RNFT2: variants seen among roughly 807,000 people sequenced by gnomAD.
RNFT2 encodes the protein E3 ubiquitin-protein ligase RNFT2.
Under a neutral mutation model 53.0 loss-of-function variants are expected in RNFT2, and 36 were observed. The observed-to-expected ratio is 0.68, with a 90% CI of 0.52 to 0.90. RNFT2 has a LOEUF of 0.90. Among genes scored for constraint, RNFT2 ranks in the 40% least tolerant of loss-of-function variants. The pLI, the probability that RNFT2 is intolerant of heterozygous loss-of-function variation, is 0.00. For missense variants in RNFT2, 514 were observed against 585.6 expected (o/e 0.88, Z 1.26); for synonymous variants, 260 against 253.2 (o/e 1.03, Z -0.26).
chr12:116,759,982 G>T (rs1219528141), intron 5 of RNFT2, among the ~76,000 whole-genome samples: 3 of 152,110 alleles, frequency 2.0e-5, no homozygotes, highest in Admixed American at 6.5e-5. Context: ...TCGGGTTGGG[G>T]TGAGGCTAGG....
intron 10 of RNFT2, among the ~76,000 whole-genome samples, chr12:116,845,910 G>A (rs73407209): frequency 0.022 from 3,323 of 152,194 alleles, 105 homozygotes; most frequent in African/African-American, 0.07. Context: ...AGCCTGGAAT[G>A]TTCTATCTCT....
At chr12:116,771,490 A>ATATATATATAT (rs1308384275) in intron 6 of RNFT2, among the ~76,000 whole-genome samples, 1 of 107,596 alleles carries the variant, frequency 9.3e-6, no homozygotes, top group African/African-American at 3.5e-5. Flanking sequence ...AAAAAAAAAA[A>ATATATATATAT]AAAAATACGT....
chr12:116,749,730 G>T, intron 3 of RNFT2, 111 bp from the exon 4 acceptor site: 3 of 950,874 alleles, frequency 3.2e-6, no homozygotes, highest in Non-Finnish European at 4.7e-6. Flanking sequence ...ATTTGAGGGG[G>T]ACACAGCTCA....
Position 116,826,419 on chromosome 12 carries a change from G to A in RNFT2, c.883-7373G>A, listed in dbSNP as rs140998819. Among the ~76,000 whole-genome samples, 247 of 152,276 alleles carry A rather than the reference G, an allele frequency of 1.6e-3. 1 individual carries two copies. The highest frequency in any genetic ancestry group is 5.2e-3 in the African/African-American group (215 of 41,556). On this transcript the variant is annotated intron_variant, in intron 7 of 10. Transcript: ENST00000257575. ...AGGCGAGACAGCTCATAATCTGATC[G>A]TATTCCTTGTTCTCTGAAGCCCCAG... is the stretch of plus-strand genomic sequence containing the variant.
chr12:116,848,744 C>T (rs1877744069), intron 10 of RNFT2, among the ~76,000 whole-genome samples: 1 of 152,156 alleles, frequency 6.6e-6, no homozygotes, highest in South Asian at 2.1e-4. Context: ...TCAGTATCTC[C>T]GTAAAGTTGT....
In RNFT2 at chr12:116,828,166, G is replaced by A. The variant is rs1592982860; in HGVS notation, c.883-5626G>A. 2.0e-5 allele frequency among the ~76,000 whole-genome samples: 3 copies of A among 152,096 alleles called. No individual in the cohort carries two copies. In the East Asian group the frequency reaches 5.8e-4, roughly 29 times the overall value. On this transcript the variant is annotated intron_variant, in intron 7 of 10. Coordinates refer to ENST00000257575, the MANE Select transcript of RNFT2 (RefSeq NM_001382266.1). ...TCTTTTCCTTCACCTCTTGGCTCTG[G>A]AACACCCTTCCTCCCTTACCTGCCC...
intron 10 of RNFT2, among the ~76,000 whole-genome samples, chr12:116,840,507 A>G (rs1877195895): frequency 6.6e-6 from 1 of 152,214 alleles, no homozygotes; most frequent in Admixed American, 6.5e-5. Context: ...AATTCCTGGG[A>G]ATAGTCTCTG....
intron 5 of RNFT2, among the ~76,000 whole-genome samples, chr12:116,758,803 G>A (rs528027400): frequency 4.1e-4 from 62 of 152,250 alleles, no homozygotes; most frequent in African/African-American, 1.3e-3. Context: ...TGTTTCCTTC[G>A]TTTTAACTTT....
chr12:116,817,468 G>A (rs1166050175), intron 7 of RNFT2, among the ~76,000 whole-genome samples: 2 of 152,116 alleles, frequency 1.3e-5, no homozygotes, highest in Non-Finnish European at 2.9e-5. Flanking sequence ...TAGTTTTTAC[G>A]TCTTCTTCCT....
chr12:116,739,906 C>G (rs1871520342), intron 1 of RNFT2, among the ~76,000 whole-genome samples: 1 of 152,128 alleles, frequency 6.6e-6, no homozygotes, highest in Admixed American at 6.5e-5. Context: ...AATACAATAC[C>G]TTAAGAGTTT....
At position 116,775,278 on chromosome 12, in the gene RNFT2, A is replaced by AAG. The variant is rs904921042; in HGVS notation, c.729-3907_729-3906dup. Among the ~76,000 whole-genome samples, 39 of 144,836 alleles carry AAG rather than the reference A, an allele frequency of 2.7e-4. 1 individual carries two copies. The East Asian group carries it at 5.0e-3, about 18-fold the overall frequency. On this transcript the variant is annotated intron_variant, in intron 6 of 10. Coordinates refer to ENST00000257575, the MANE Select transcript of RNFT2 (RefSeq NM_001382266.1). Reference sequence around the variant, plus strand: ...TCCCGTCTCAAAAAAAAAAAAAAAAAAGAGAGAGAGAAGAGCAACATAGCT... The same window carrying AAG: ...TCCCGTCTCAAAAAAAAAAAAAAAAAAGAGAGAGAGAGAAGAGCAACATAGCT...
At chr12:116,794,852 TG>T (rs1226507642) in intron 7 of RNFT2, among the ~76,000 whole-genome samples, 4 of 152,168 alleles carry the variant, frequency 2.6e-5, no homozygotes, top group Non-Finnish European at 5.9e-5. Context: ...CCAATTTCAC[TG>T]ATGTTATTCA....
chr12:116,821,960 G>C (rs1013877748), intron 7 of RNFT2, among the ~76,000 whole-genome samples: 1 of 151,762 alleles, frequency 6.6e-6, no homozygotes, highest in African/African-American at 2.4e-5. Context: ...TCAGCCTCCA[G>C]AGTAGCTGAG....
chr12:116,763,796 G>A (rs1014962953), intron 5 of RNFT2, among the ~76,000 whole-genome samples: 252 of 107,102 alleles, frequency 2.4e-3, no homozygotes, highest in African/African-American at 9.6e-3. Context: ...AAAGGGGGCG[G>A]GGGGGGAAAG....
intron 5 of RNFT2, among the ~76,000 whole-genome samples, chr12:116,766,460 G>A (rs1872917421): frequency 6.6e-6 from 1 of 152,166 alleles, no homozygotes; most frequent in African/African-American, 2.4e-5. Flanking sequence ...TACAGATGAG[G>A]AAAGGGAAAC....
intron 7 of RNFT2, among the ~76,000 whole-genome samples, chr12:116,832,532 A>G (rs985834061): frequency 2.1e-4 from 32 of 152,292 alleles, no homozygotes; most frequent in African/African-American, 7.5e-4. Flanking sequence ...GGACATTGGC[A>G]TACATGTGGA....
chr12:116,752,436 G>GT (rs1566070260), intron 4 of RNFT2, among the ~76,000 whole-genome samples: 1 of 151,750 alleles, frequency 6.6e-6, no homozygotes, highest in African/African-American at 2.4e-5. Context: ...CACTTGGCAG[G>GT]TTTTTTTTGT....
chr12:116,827,805 G>T lies in RNFT2; in HGVS notation c.883-5987G>T, dbSNP rs180672739. Among the ~76,000 whole-genome samples, 3 of 152,284 alleles carry T rather than the reference G, an allele frequency of 2.0e-5. No individual in the cohort carries two copies. The East Asian group carries it at 5.8e-4, about 29-fold the overall frequency. The stretch of plus-strand genomic sequence containing the variant: ...TAGCAAGTGGGAAGTTTGGGATTTG[G>T]CCCAGAAACCAGCCTGCAGCTCAGG... On this transcript the variant is annotated intron_variant, in intron 7 of 10. Coordinates refer to ENST00000257575, the MANE Select transcript of RNFT2 (RefSeq NM_001382266.1).
chr12:116,740,340 T>A lies in RNFT2; in HGVS notation c.-153-5T>A. 1.5e-6 allele frequency: 1 copy of A among 659,440 alleles called. No homozygotes were observed. Among genetic ancestry groups the A allele is most frequent in the East Asian group, 2.8e-5 (1 of 36,028 alleles). 40.8% of individuals were successfully genotyped at this position (659,440 alleles called of 1,614,324 possible). A position where few individuals can be genotyped will look rare whatever the true frequency, so the allele number is the denominator to read the frequency against. On this transcript the variant is annotated splice_polypyrimidine_tract_variant and splice_region_variant and intron_variant, in intron 1 of 10. Coordinates refer to ENST00000257575, the MANE Select transcript of RNFT2 (RefSeq NM_001382266.1). ...CTGTTCATCCAGGTGTTCTGTTCCA[T>A]CCAGGTTTGGAGTCTCTGGCAAGCT... is the stretch of plus-strand genomic sequence containing the variant.
Sources: allele counts gnomAD v4.1 joint callset (sites outside exome capture counted in the v4.1 genomes callset), GRCh38; gene constraint gnomAD v4.1.1; transcripts MANE v1.5; gene names NCBI Gene and HGNC (gene_info 2026-07-23, HGNC 2026-07-21).